Variants in SORCS2 observed in about 807,000 individuals in gnomAD.
The protein encoded by SORCS2 is VPS10 domain-containing receptor SorCS2.
SORCS2 carries 100 observed loss-of-function variants against 141.6 expected under a neutral mutation model. That is an observed-to-expected ratio of 0.71 (90% CI 0.60 to 0.83). The LOEUF (loss-of-function observed/expected upper bound fraction) is 0.83, where lower values mean the gene tolerates loss of function less well. Among genes scored for constraint, SORCS2 ranks in the 40% least tolerant of loss-of-function variants. The pLI is 0.00. For synonymous variants in SORCS2, 789 were observed against 676.9 expected (o/e 1.17, Z -2.57); for missense variants, 1,646 against 1,560.2 (o/e 1.05, Z -0.93).
chr4:7,660,987 G>T (rs1038699626), intron 5 of SORCS2, among the ~76,000 whole-genome samples: 2 of 152,240 alleles, frequency 1.3e-5, no homozygotes, highest in East Asian at 1.9e-4. Context: ...TGAATCACAG[G>T]TCAGCCCTTA....
intron 1 of SORCS2, among the ~76,000 whole-genome samples, chr4:7,223,269 A>G (rs1417833561): frequency 6.7e-6 from 1 of 149,460 alleles, no homozygotes; most frequent in African/African-American, 2.5e-5. Context: ...TCTTCTGTGC[A>G]AAGAAAAGGA....
chr4:7,226,494 G>A (rs931974760), intron 1 of SORCS2, among the ~76,000 whole-genome samples: 9 of 152,154 alleles, frequency 5.9e-5, no homozygotes, highest in Non-Finnish European at 1.3e-4. Context: ...GGCCGGGTGA[G>A]TGGGGGTTGG....
At chr4:7,500,789 G>A (rs559353704) in intron 2 of SORCS2, among the ~76,000 whole-genome samples, 16 of 152,300 alleles carry the variant, frequency 1.1e-4, no homozygotes, top group Middle Eastern at 3.4e-3. Context: ...GGGCGGTAAC[G>A]AGTGGGAGCC....
chr4:7,310,762 G>C (rs1718132759), intron 1 of SORCS2, among the ~76,000 whole-genome samples: 2 of 152,234 alleles, frequency 1.3e-5, no homozygotes, highest in African/African-American at 4.8e-5. Context: ...AGGCTGCGAA[G>C]ATAGAATTGT....
intron 2 of SORCS2, among the ~76,000 whole-genome samples, chr4:7,486,725 C>T (rs1487091864): frequency 6.6e-6 from 1 of 152,160 alleles, no homozygotes; most frequent in African/African-American, 2.4e-5. Flanking sequence ...GCTCTTCCGG[C>T]TTCTAGTGGC....
chr4:7,727,347 C>T (rs1483891692), intron 21 of SORCS2, among the ~76,000 whole-genome samples: 1 of 152,200 alleles, frequency 6.6e-6, no homozygotes, highest in African/African-American at 2.4e-5. Context: ...TCTGCATCCT[C>T]ATTTATCTGT....
intron 23 of SORCS2, 144 bp downstream of exon 23, chr4:7,729,856 A>C (rs1577131305): frequency 2.5e-6 from 3 of 1,192,024 alleles, no homozygotes; most frequent in East Asian, 2.6e-5. Flanking sequence ...GGGTGGCTTG[A>C]CCTCGTCCAC....
chr4:7,215,610 T>A (rs1728298293), intron 1 of SORCS2, among the ~76,000 whole-genome samples: 1 of 152,202 alleles, frequency 6.6e-6, no homozygotes, highest in South Asian at 2.1e-4. Context: ...GGTGGGGACG[T>A]GGAGAATCTT....
chr4:7,272,041 C>T (rs987119957), intron 1 of SORCS2, among the ~76,000 whole-genome samples: 3 of 152,252 alleles, frequency 2.0e-5, no homozygotes, highest in Middle Eastern at 3.4e-3. Flanking sequence ...CATGCTTGGG[C>T]GGGGTAACGT....
chr4:7,708,132 G>C (rs1055370141), intron 14 of SORCS2, among the ~76,000 whole-genome samples: 2 of 152,174 alleles, frequency 1.3e-5, no homozygotes, highest in Non-Finnish European at 2.9e-5. Flanking sequence ...CTGTAGCATG[G>C]GGACTTAAAC....
intron 3 of SORCS2, among the ~76,000 whole-genome samples, chr4:7,626,822 C>T (rs919961515): frequency 6.6e-5 from 10 of 152,148 alleles, no homozygotes; most frequent in Admixed American, 5.9e-4. Flanking sequence ...AGTCATAACC[C>T]AACATGTAAT....
intron 1 of SORCS2, among the ~76,000 whole-genome samples, chr4:7,376,553 G>T (rs1189400912): frequency 1.3e-5 from 2 of 152,096 alleles, no homozygotes; most frequent in African/African-American, 4.8e-5. Flanking sequence ...CTCCAGCCTG[G>T]GTGACAAAGC....
At chr4:7,675,438 T>C (rs1723046442) in intron 8 of SORCS2, among the ~76,000 whole-genome samples, 1 of 152,142 alleles carries the variant, frequency 6.6e-6, no homozygotes, top group Non-Finnish European at 1.5e-5. Context: ...CATGTACAGG[T>C]GGGGATATTG....
At chr4:7,683,105 G>A (rs7662858) in intron 10 of SORCS2, among the ~76,000 whole-genome samples, 2,026 of 152,338 alleles carry the variant, frequency 0.013, 52 homozygotes, top group African/African-American at 0.046. Context: ...ATCAGTTTTT[G>A]ACACAGAATT....
At chr4:7,660,073 C>T (rs71601868) in intron 5 of SORCS2, among the ~76,000 whole-genome samples, 16 of 152,194 alleles carry the variant, frequency 1.1e-4, no homozygotes, top group Non-Finnish European at 1.9e-4. Flanking sequence ...ACTAGAGCAC[C>T]TAGGACGTTC....
At chr4:7,707,492 A>G (rs1378852699) in intron 14 of SORCS2, among the ~76,000 whole-genome samples, 1 of 152,196 alleles carries the variant, frequency 6.6e-6, no homozygotes, top group East Asian at 1.9e-4. Context: ...CAGGGTATTT[A>G]AGATGAGCGG....
rs546692158 is a variant in SORCS2 at position 7,419,579 on chromosome 4, G to A, written c.548+23224G>A. 1.1e-4 allele frequency among the ~76,000 whole-genome samples: 16 copies of A among 152,296 alleles called. No homozygotes were observed. The East Asian group carries it at 2.9e-3, about 28-fold the overall frequency. On this transcript the variant is annotated intron_variant, in intron 2 of 26. Transcript: ENST00000507866. ...TGCAATAAAGAGCCCATAATCTCTC[G>A]AGTGCATGGATTTCTTCCTGTGGAA...
At chr4:7,631,422 A>G (rs2108848610) in intron 3 of SORCS2, among the ~76,000 whole-genome samples, 1 of 152,020 alleles carries the variant, frequency 6.6e-6, no homozygotes, top group South Asian at 2.1e-4. Flanking sequence ...CCAGCTCAGC[A>G]TCTCCCGGTG....
intron 1 of SORCS2, among the ~76,000 whole-genome samples, chr4:7,274,000 G>T (rs549993553): frequency 2.0e-5 from 3 of 152,220 alleles, no homozygotes; most frequent in Non-Finnish European, 4.4e-5. Flanking sequence ...CCTCTGCCTC[G>T]TGCACTGCAT....
Sources: allele counts gnomAD v4.1 joint callset (sites outside exome capture counted in the v4.1 genomes callset), GRCh38; gene constraint gnomAD v4.1.1; transcripts MANE v1.5; gene names NCBI Gene and HGNC (gene_info 2026-07-23, HGNC 2026-07-21).